ARID1B: variants seen among roughly 807,000 people sequenced by gnomAD.
ARID1B encodes the protein AT-rich interaction domain 1B.
Under a neutral mutation model 212.3 loss-of-function variants are expected in ARID1B, and 30 were observed. That is an observed-to-expected ratio of 0.14 (90% confidence interval 0.11 to 0.19). ARID1B has a LOEUF of 0.19. Among genes scored for constraint, ARID1B ranks in the 10% least tolerant of loss-of-function variants. The pLI, the probability that ARID1B is intolerant of heterozygous loss-of-function variation, is 1.00. For missense variants in ARID1B, 2,891 were observed against 3,204.0 expected (o/e 0.90, Z 2.36); for synonymous variants, 1,402 against 1,301.7 (o/e 1.08, Z -1.66).
intron 1 of ARID1B, among the ~76,000 whole-genome samples, chr6:156,828,306 C>T (rs1002890857): frequency 3.3e-5 from 5 of 152,104 alleles, no homozygotes; most frequent in African/African-American, 1.2e-4. Flanking sequence ...ATTCTTAAGC[C>T]TTCCTGAAAG....
At chr6:156,829,147 G>T in intron 1 of ARID1B, 80 bp from the exon 2 acceptor site, 3 of 1,103,086 alleles carry the variant, frequency 2.7e-6, no homozygotes, top group Non-Finnish European at 3.9e-6. Flanking sequence ...TGTTATTAAT[G>T]CATATGTTGA....
chr6:156,930,209 G>A (rs185866), intron 3 of ARID1B, among the ~76,000 whole-genome samples: 17,247 of 152,142 alleles, frequency 0.11, 1,115 homozygotes, highest in African/African-American at 0.16. Context: ...TCATGGGGGC[G>A]GTTTCTCTTG....
chr6:156,856,702 A>ACT (rs1784970237), intron 2 of ARID1B, among the ~76,000 whole-genome samples: 2 of 39,030 alleles, frequency 5.1e-5, no homozygotes, highest in South Asian at 2.4e-3. Context: ...TCTCTCTCTC[A>ACT]CACACACACA....
chr6:156,950,234 G>T (rs1793480211), intron 4 of ARID1B, among the ~76,000 whole-genome samples: 1 of 152,168 alleles, frequency 6.6e-6, no homozygotes, highest in African/African-American at 2.4e-5. Flanking sequence ...GATCTACTTG[G>T]TTTGCAGCAA....
chr6:157,076,573 TCTGTGTGCTAAGCA>T (rs1784325747), intron 4 of ARID1B, among the ~76,000 whole-genome samples: 1 of 151,588 alleles, frequency 6.6e-6, no homozygotes, highest in Non-Finnish European at 1.5e-5. Context: ...TTTTAGAGAT[TCTGTGTGCTAAGCA>T]TTGTACTTCT....
At chr6:157,060,557 G>A (rs1783271228) in intron 4 of ARID1B, among the ~76,000 whole-genome samples, 1 of 140,046 alleles carries the variant, frequency 7.1e-6, no homozygotes, top group South Asian at 2.4e-4. Flanking sequence ...CAACCACAAA[G>A]TTTCAATCTG....
At chr6:156,880,775 G>GAAAAAA (rs66501584) in intron 2 of ARID1B, among the ~76,000 whole-genome samples, 14 of 114,380 alleles carry the variant, frequency 1.2e-4, no homozygotes, top group African/African-American at 5.1e-4. Flanking sequence ...GAAAAGAAAA[G>GAAAAAA]AAAAACACAC....
Position 157,142,874 on chromosome 6 carries a change from A to G in ARID1B, c.2762-5750A>G, listed in dbSNP as rs147159814. On this transcript the variant is annotated intron_variant, in intron 7 of 19. Coordinates refer to ENST00000636930, the MANE Select transcript of ARID1B (RefSeq NM_001374828.1). ...TAGGGAATGACGCAGAACCTTGCCC[A>G]TAGTAGTTGTTCATAACTGTTGAGT... 4.7e-3 allele frequency among the ~76,000 whole-genome samples: 723 copies of G among 152,324 alleles called. 1 individual carries two copies. The highest frequency in any genetic ancestry group is 8.1e-3 in the Non-Finnish European group (551 of 68,040).
intron 4 of ARID1B, among the ~76,000 whole-genome samples, chr6:157,055,455 A>C (rs552154253): frequency 2.0e-5 from 3 of 152,208 alleles, no homozygotes; most frequent in Non-Finnish European, 4.4e-5. Flanking sequence ...ATATCACCTT[A>C]AATTTCAAAC....
intron 4 of ARID1B, among the ~76,000 whole-genome samples, chr6:157,040,086 A>G (rs1781776785): frequency 6.6e-6 from 1 of 151,848 alleles, no homozygotes; most frequent in Non-Finnish European, 1.5e-5. Flanking sequence ...AGTAGCTGGG[A>G]CTACAGGCGC....
At chr6:156,903,533 G>A (rs2128214826) in intron 3 of ARID1B, among the ~76,000 whole-genome samples, 1 of 152,282 alleles carries the variant, frequency 6.6e-6, no homozygotes, top group East Asian at 1.9e-4. Flanking sequence ...TGGTTTGACA[G>A]GAACAGTCCT....
Position 157,207,087 on chromosome 6 carries a change from C to A in ARID1B, c.6315C>A (p.His2105Gln), listed in dbSNP as rs551034452. Residue 2105 changes from histidine (H) to glutamine (Q), a missense_variant, in exon 20 of 20, where the codon CAC becomes CAA. Coordinates refer to ENST00000636930, the MANE Select transcript of ARID1B (RefSeq NM_001374828.1). The surrounding 1 kb of genome is among the most constrained non-coding windows in gnomAD (Gnocchi z 8.5). Reference sequence around the variant, plus strand: ...TCCTGGGGAAGCTGATTCTTCTTCACCACGAGCATCCAGAGAGAAAGCGAG... The same window carrying A: ...TCCTGGGGAAGCTGATTCTTCTTCAACACGAGCATCCAGAGAGAAAGCGAG... ...VLILGKLILL[H>Q]HEHPERKRAP... 3 of 1,614,210 alleles carry A rather than the reference C, an allele frequency of 1.9e-6. No homozygotes were observed. Among genetic ancestry groups the A allele is most frequent in the Non-Finnish European group, 2.5e-6 (3 of 1,180,044 alleles).
intron 9 of ARID1B, 56 bp from the exon 10 acceptor site, chr6:157,173,952 T>C (rs1296292022): frequency 6.8e-7 from 1 of 1,474,704 alleles, no homozygotes; most frequent in Non-Finnish European, 9.5e-7. Flanking sequence ...TTGGCAGGAG[T>C]ACAGTCTGAC....
At chr6:157,154,814 G>T (rs1358349773) in intron 8 of ARID1B, among the ~76,000 whole-genome samples, 1 of 151,726 alleles carries the variant, frequency 6.6e-6, no homozygotes, top group Non-Finnish European at 1.5e-5. Context: ...ATCTCTTAAC[G>T]TCGTGATCCA....
chr6:157,004,479 AT>A (rs776955890), intron 4 of ARID1B, among the ~76,000 whole-genome samples: 1 of 152,190 alleles, frequency 6.6e-6, no homozygotes, highest in Non-Finnish European at 1.5e-5. Context: ...CCGAAGTGTA[AT>A]TTCTTGAGAA....
chr6:157,184,579 T>A, intron 13 of ARID1B, 144 bp downstream of exon 13: 2 of 923,892 alleles, frequency 2.2e-6, no homozygotes, highest in Non-Finnish European at 3.3e-6. Flanking sequence ...TTTGTTTATT[T>A]AATTGGACGC....
At chr6:157,021,758 G>GAGGCGGC (rs964710753) in intron 4 of ARID1B, among the ~76,000 whole-genome samples, 4 of 152,002 alleles carry the variant, frequency 2.6e-5, no homozygotes, top group East Asian at 1.9e-4. Flanking sequence ...CTGGAGGCGG[G>GAGGCGGC]AGGCGGCGGC....
chr6:157,036,029 C>T (rs897529195), intron 4 of ARID1B, among the ~76,000 whole-genome samples: 1 of 152,174 alleles, frequency 6.6e-6, no homozygotes, highest in African/African-American at 2.4e-5. Context: ...AAGCCTGTTA[C>T]AGTCTGATAT....
chr6:156,856,047 G>T (rs993008325), intron 2 of ARID1B, among the ~76,000 whole-genome samples: 1 of 152,166 alleles, frequency 6.6e-6, no homozygotes, highest in African/African-American at 2.4e-5. Context: ...AAGACAGCAG[G>T]CTCTGGAGAC....
Sources: allele counts gnomAD v4.1 joint callset (sites outside exome capture counted in the v4.1 genomes callset), GRCh38; gene constraint gnomAD v4.1.1; non-coding constraint Gnocchi (gnomAD v3.1); transcripts MANE v1.5; gene names NCBI Gene and HGNC (gene_info 2026-07-23, HGNC 2026-07-21).